Variants in PPP6C observed in about 807,000 individuals in gnomAD.
PPP6C encodes the protein serine/threonine-protein phosphatase 6 catalytic subunit.
In PPP6C, 11 loss-of-function variants were observed where a neutral mutation model predicts 39.8. The observed-to-expected ratio is 0.28, with a 90% CI of 0.17 to 0.46. PPP6C has a LOEUF of 0.46. PPP6C is among the 20% of genes least tolerant of loss of function. The probability of loss-of-function intolerance (pLI) is 1.00; values close to 1 mark genes in which losing one functional copy is unlikely to be tolerated. For synonymous variants in PPP6C, 129 were observed against 130.3 expected (o/e 0.99, Z 0.07); for missense variants, 211 against 373.9 (o/e 0.56, Z 3.59).
chr9:125,155,678 C>T (rs979137021), intron 4 of PPP6C, among the ~76,000 whole-genome samples: 7 of 152,030 alleles, frequency 4.6e-5, no homozygotes, highest in African/African-American at 1.4e-4. Flanking sequence ...CCGAGGCGGG[C>T]GGATCACAAG....
Position 125,173,602 on chromosome 9 carries a change from CA to C in PPP6C, c.76-2423del, listed in dbSNP as rs921593257. Among the ~76,000 whole-genome samples the C allele has an allele frequency of 2.0e-5, 3 of 148,226 alleles. No individual in the cohort carries two copies. The Admixed American group carries it at 2.2e-4, about 11-fold the overall frequency. On this transcript the variant is annotated intron_variant, in intron 1 of 6. Coordinates refer to ENST00000373547, the MANE Select transcript of PPP6C (RefSeq NM_002721.5). ...CAAAACAAACAAACAACAACAACAA[CA>C]AAAAAGATGAGCCTTTTTTAATTTT...
chr9:125,162,293 AC>A, intron 2 of PPP6C, among the ~76,000 whole-genome samples: 1 of 151,646 alleles, frequency 6.6e-6, no homozygotes, highest in East Asian at 1.9e-4. Flanking sequence ...CCCCATCTCT[AC>A]TAAAAATACA....
chr9:125,178,594 G>A (rs1472834587), intron 1 of PPP6C, among the ~76,000 whole-genome samples: 1 of 152,084 alleles, frequency 6.6e-6, no homozygotes, highest in East Asian at 1.9e-4. Context: ...ATACTTCCAG[G>A]TATTATCTTC....
Position 125,171,563 on chromosome 9 carries a change from T to G in PPP6C, c.76-383A>C, listed in dbSNP as rs139757098. On this transcript the variant is annotated intron_variant, in intron 1 of 6. Coordinates refer to ENST00000373547, the MANE Select transcript of PPP6C (RefSeq NM_002721.5). ...AAAGGTTTTTGGGTTTTTTTGTTTT[T>G]TTTTTTTTTAAACGGAGTCTCACTC... Among the ~76,000 whole-genome samples, 1,165 of 147,642 alleles carry G rather than the reference T, an allele frequency of 7.9e-3. 22 individuals carry two copies. Among genetic ancestry groups the G allele is most frequent in the African/African-American group, 0.027 (1,081 of 40,534 alleles).
At chr9:125,179,695 G>C (rs895010468) in intron 1 of PPP6C, among the ~76,000 whole-genome samples, 2 of 139,364 alleles carry the variant, frequency 1.4e-5, no homozygotes, top group Non-Finnish European at 3.0e-5. Flanking sequence ...TTGCTTTGTC[G>C]TTCAGGCTGG....
At chr9:125,161,525 C>T (rs1828876709) in intron 2 of PPP6C, among the ~76,000 whole-genome samples, 1 of 152,164 alleles carries the variant, frequency 6.6e-6, no homozygotes, top group African/African-American at 2.4e-5. Context: ...CTCACTGCAG[C>T]CACAAATTCC....
At chr9:125,157,266 C>A (rs932306720) in intron 4 of PPP6C, among the ~76,000 whole-genome samples, 1 of 151,996 alleles carries the variant, frequency 6.6e-6, no homozygotes, top group African/African-American at 2.4e-5. Flanking sequence ...CAGGGGTGAG[C>A]CACTGCGCCT....
intron 1 of PPP6C, among the ~76,000 whole-genome samples, chr9:125,177,887 A>G (rs1403600422): frequency 2.0e-5 from 3 of 152,168 alleles, no homozygotes; most frequent in Non-Finnish European, 2.9e-5. Flanking sequence ...AATGTCATAT[A>G]GTTGGAATCA....
chr9:125,154,076 A>C, intron 4 of PPP6C, 91 bp from the exon 5 acceptor site: 1 of 984,546 alleles, frequency 1.0e-6, no homozygotes, highest in South Asian at 1.5e-5. Context: ...AGTACAACAG[A>C]AATTCAGCTT....
intron 3 of PPP6C, 56 bp from the exon 4 acceptor site, chr9:125,158,438 A>C (rs1836133301): frequency 1.3e-5 from 19 of 1,514,446 alleles, no homozygotes; most frequent in Non-Finnish European, 1.3e-5. Context: ...TATTCTTTTC[A>C]AATTATATCA....
At chr9:125,156,615 T>C (rs1045425864) in intron 4 of PPP6C, among the ~76,000 whole-genome samples, 1 of 152,074 alleles carries the variant, frequency 6.6e-6, no homozygotes, top group Non-Finnish European at 1.5e-5. Context: ...AAATATAAAA[T>C]TTAAATCTAA....
At chr9:125,163,420 G>C (rs1641907605) in intron 2 of PPP6C, among the ~76,000 whole-genome samples, 1 of 152,016 alleles carries the variant, frequency 6.6e-6, no homozygotes, top group South Asian at 2.1e-4. Flanking sequence ...GATGTTTACA[G>C]ATATGTTTTT....
rs370627494 is a variant in PPP6C at position 125,160,824 on chromosome 9, C to T, written c.237+17G>A. 159 of 1,525,866 alleles carry T rather than the reference C, an allele frequency of 1.0e-4. 1 individual carries two copies. The East Asian group carries it at 1.7e-3, about 17-fold the overall frequency. 94.5% of individuals were successfully genotyped at this position (1,525,866 alleles called of 1,614,324 possible). A position where few individuals can be genotyped will look rare whatever the true frequency, so the allele number is the denominator to read the frequency against. On this transcript the variant is annotated intron_variant, in intron 3 of 6. Coordinates refer to ENST00000373547, the MANE Select transcript of PPP6C (RefSeq NM_002721.5). ...TCCATTTTAAACAAGCACTTGATAT[C>T]ACTGGTGTTTACATACCATAAATAT... is the stretch of plus-strand genomic sequence containing the variant.
At chr9:125,160,991 G>T (rs1246621477) in intron 2 of PPP6C, 85 bp from the exon 3 acceptor site, 3 of 877,136 alleles carry the variant, frequency 3.4e-6, no homozygotes, top group Admixed American at 5.5e-5. Flanking sequence ...GTGTAAAGAA[G>T]CAGCTAAGAG....
chr9:125,176,720 A>G (rs1829305723), intron 1 of PPP6C, among the ~76,000 whole-genome samples: 1 of 152,156 alleles, frequency 6.6e-6, no homozygotes, highest in South Asian at 2.1e-4. Flanking sequence ...TGGGGTTGGA[A>G]TTGGGACAAA....
intron 6 of PPP6C, chr9:125,150,707 C>A: frequency 1.2e-6 from 1 of 865,148 alleles, no homozygotes; most frequent in Non-Finnish European, 1.8e-6. Flanking sequence ...AGAAAACTGC[C>A]GATCGCCTGG....
Position 125,153,731 on chromosome 9 carries a change from C to T in PPP6C, c.471G>A (p.Glu157=). The change falls in exon 6 of 7, where the codon GAG becomes GAA. Residue 157 remains glutamate (E), a synonymous_variant. Transcript: ENST00000373547. Reference sequence around the variant, plus strand: ...AACCACCATGGACACACAAAATCTGCTCATCTATTAACTAGCAAAAAAGGA... The same window carrying T: ...AACCACCATGGACACACAAAATCTGTTCATCTATTAACTAGCAAAAAAGGA... ...DMLTVAALID[E]QILCVHGGLS... The T allele has an allele frequency of 6.2e-7, 1 of 1,613,564 alleles. No homozygotes were observed. Among genetic ancestry groups the T allele is most frequent in the Non-Finnish European group, 8.5e-7 (1 of 1,179,998 alleles).
chr9:125,189,535 G>T (rs1055721465), intron 1 of PPP6C, 109 bp downstream of exon 1: 1 of 1,538,020 alleles, frequency 6.5e-7, no homozygotes, highest in Admixed American at 2.2e-5. Context: ...AATGGGGGAG[G>T]CCCTCCACCG....
rs978978544 is a variant in PPP6C at position 125,188,913 on chromosome 9, A to G, written c.75+731T>C. On this transcript the variant is annotated intron_variant, in intron 1 of 6. Transcript: ENST00000373547. ...TACTTGGACTCAGGAGTAACAAGGA[A>G]CTCACCTCCTTTAGAAAACGAAGAA... 9 of 1,547,838 alleles carry G rather than the reference A, an allele frequency of 5.8e-6. No individual in the cohort carries two copies. In the African/African-American group the frequency reaches 8.2e-5, roughly 14 times the overall value.
Sources: allele counts gnomAD v4.1 joint callset (sites outside exome capture counted in the v4.1 genomes callset), GRCh38; gene constraint gnomAD v4.1.1; transcripts MANE v1.5; gene names NCBI Gene and HGNC (gene_info 2026-07-23, HGNC 2026-07-21).